Variants in ACLY observed in about 807,000 individuals in gnomAD.
The protein encoded by ACLY is ATP-citrate synthase.
ACLY carries 41 observed loss-of-function variants against 133.0 expected under a neutral mutation model. The ratio of observed to expected loss-of-function variants is 0.31; its 90% CI spans 0.24 to 0.40. ACLY has a LOEUF of 0.40. Among genes scored for constraint, ACLY ranks in the 10% least tolerant of loss-of-function variants. The pLI is 1.00. For missense variants in ACLY, 1,046 were observed against 1,453.8 expected (o/e 0.72, Z 4.56); for synonymous variants, 495 against 549.3 (o/e 0.90, Z 1.38).
upstream of ACLY, among the ~76,000 whole-genome samples, chr17:41,923,515 T>C (rs2050206213): frequency 2.0e-5 from 3 of 152,236 alleles, no homozygotes; most frequent in Non-Finnish European, 4.4e-5. Context: ...TCCTTGGGCC[T>C]GTACCCTGCA....
intron 1 of ACLY, 24 bp from the exon 2 acceptor site, chr17:41,913,920 C>A: frequency 1.2e-6 from 2 of 1,611,040 alleles, no homozygotes; most frequent in South Asian, 1.1e-5. Context: ...AGAAGCTGGT[C>A]AGAAGGGGGC....
intron 20 of ACLY, among the ~76,000 whole-genome samples, chr17:41,881,113 G>C (rs2048904985): frequency 6.6e-6 from 1 of 151,762 alleles, no homozygotes; most frequent in Non-Finnish European, 1.5e-5. Context: ...GAGAGCAATG[G>C]AGTTGGGGGA....
At position 41,869,324 on chromosome 17, in the gene ACLY, C is replaced by T; in HGVS notation, c.3051+150G>A. 3 of 783,842 alleles carry T rather than the reference C, an allele frequency of 3.8e-6. No homozygotes were observed. In the South Asian group the frequency reaches 5.2e-5, roughly 14 times the overall value. 48.6% of individuals were successfully genotyped at this position (783,842 alleles called of 1,614,324 possible). A position where few individuals can be genotyped will look rare whatever the true frequency, so the allele number is the denominator to read the frequency against. On this transcript the variant is annotated intron_variant, in intron 26 of 28. Transcript: ENST00000352035. Reference sequence around the variant, plus strand: ...CCCAACACCTAGTTGACATTTAGTGCATGTCTGTTAAATTTAGTTATGAAA... The same window carrying T: ...CCCAACACCTAGTTGACATTTAGTGTATGTCTGTTAAATTTAGTTATGAAA...
At chr17:41,905,084 T>C (rs1279483582) in intron 9 of ACLY, among the ~76,000 whole-genome samples, 1 of 152,068 alleles carries the variant, frequency 6.6e-6, no homozygotes, top group Non-Finnish European at 1.5e-5. Context: ...GGAATCTCTC[T>C]CCCTCTCTGG....
intron 11 of ACLY, among the ~76,000 whole-genome samples, chr17:41,900,694 A>G (rs565319914): frequency 2.0e-5 from 3 of 152,144 alleles, no homozygotes; most frequent in African/African-American, 7.2e-5. Flanking sequence ...CACTGCACTC[A>G]AGTCTGGGTG....
intron 1 of ACLY, among the ~76,000 whole-genome samples, chr17:41,916,168 A>T (rs1811198556): frequency 6.6e-6 from 1 of 152,206 alleles, no homozygotes; most frequent in Admixed American, 6.5e-5. Flanking sequence ...ATAATACAGG[A>T]TAGAAAACAA....
chr17:41,869,370 A>T (rs2048541443), intron 26 of ACLY, 104 bp downstream of exon 26: 1 of 995,574 alleles, frequency 1.0e-6, no homozygotes, highest in Non-Finnish European at 1.5e-6. Context: ...ATTTCTAGAA[A>T]ACTAGGTTTG....
rs782748455 is a variant in ACLY, at chr17:41,893,139, C to T, written c.1495G>A (p.Ala499Thr). ...CGGGTCTGCATGCCCCACACAATGG[C>T]CTTGGTGTGGCGGCTGAAGAGGGTG... The part of the protein sequence containing the change: ...STTLFSRHTK[A>T]IVWGMQTRAV... Residue 499 changes from alanine (A) to threonine (T), a missense_variant, in exon 15 of 29, where the codon GCC becomes ACC. Coordinates refer to ENST00000352035, the MANE Select transcript of ACLY (RefSeq NM_001096.3). The T allele has an allele frequency of 1.9e-6, 3 of 1,613,846 alleles. No homozygotes were observed. The South Asian group carries it at 3.3e-5, about 18-fold the overall frequency.
At position 41,884,180 on chromosome 17, in the gene ACLY, T is replaced by A. The variant is rs781972794; in HGVS notation, c.2154+13A>T. On this transcript the variant is annotated intron_variant, in intron 19 of 28. Transcript: ENST00000352035. ...GTTTTAAAATCATAATTTTTTTTTT[T>A]AAAGTAACTCACCTCTCCAAGAACC... 42 of 1,512,614 alleles carry A rather than the reference T, an allele frequency of 2.8e-5. No homozygotes were observed. In the South Asian group the frequency reaches 3.0e-4, roughly 11 times the overall value. 93.7% of individuals were successfully genotyped at this position (1,512,614 alleles called of 1,614,324 possible).
At chr17:41,883,044 A>T in intron 20 of ACLY, 78 bp downstream of exon 20, 1 of 1,201,464 alleles carries the variant, frequency 8.3e-7, no homozygotes, top group Non-Finnish European at 1.2e-6. Flanking sequence ...AATTAATAAG[A>T]TGATTACCTG....
At position 41,897,759 on chromosome 17, in the gene ACLY, G is replaced by A. The variant is rs782590939; in HGVS notation, c.1419C>T (p.Ala473=). 6.2e-7 allele frequency: 1 copy of A among 1,612,636 alleles called. No individual in the cohort carries two copies. Among genetic ancestry groups the A allele is most frequent in the South Asian group, 1.1e-5 (1 of 90,858 alleles). The change falls in exon 13 of 29, where the codon GCC becomes GCT. Residue 473 remains alanine, a synonymous_variant. Coordinates refer to ENST00000352035, the MANE Select transcript of ACLY (RefSeq NM_001096.3). ...EVAPAKKAKP[A]MPQDSVPSPR... ...GCCTCAGGGAGTTACCTTGTGGCAT[G>A]GCAGGCTTGGCCTTCTTTGCAGGCG...
Position 41,917,006 on chromosome 17 carries a change from G to A in ACLY, c.-24+1874C>T, listed in dbSNP as rs200852758. On this transcript the variant is annotated intron_variant, in intron 1 of 28. Transcript: ENST00000352035. ...AAAAATACAAAAATTAGCCGGGCGT[G>A]GTGGTGCACACCTGTAGCTACTGGG... Among the ~76,000 whole-genome samples the A allele has an allele frequency of 1.3e-4, 19 of 151,890 alleles. No homozygotes were observed. In the East Asian group the frequency reaches 3.5e-3, roughly 28 times the overall value.
chr17:41,895,795 C>A (rs1555630212), intron 14 of ACLY, among the ~76,000 whole-genome samples: 1 of 152,196 alleles, frequency 6.6e-6, no homozygotes, highest in East Asian at 1.9e-4. Flanking sequence ...GGTTATCGAC[C>A]CTGCCAATTA....
chr17:41,879,059 G>C, intron 20 of ACLY, 135 bp from the exon 21 acceptor site: 2 of 1,087,840 alleles, frequency 1.8e-6, no homozygotes, highest in South Asian at 2.8e-5. Flanking sequence ...AGGTACAATA[G>C]ATGATTTCCA....
intron 16 of ACLY, among the ~76,000 whole-genome samples, chr17:41,888,980 T>C (rs1555628722): frequency 6.6e-6 from 1 of 151,234 alleles, no homozygotes; most frequent in African/African-American, 2.4e-5. Flanking sequence ...TAGCCAGGCA[T>C]AGTGATGCAT....
intron 16 of ACLY, among the ~76,000 whole-genome samples, chr17:41,888,575 T>C (rs2049115589): frequency 6.6e-6 from 1 of 152,080 alleles, no homozygotes. Context: ...CCAGCAAACT[T>C]CTGTAAAGGG....
chr17:41,871,659 T>A (rs782517375), intron 25 of ACLY, 30 bp downstream of exon 25: 1 of 1,613,370 alleles, frequency 6.2e-7, no homozygotes, highest in Non-Finnish European at 8.5e-7. Context: ...CTGGCCTCCA[T>A]CCCACTTTTT....
Position 41,892,267 on chromosome 17 carries a change from C to A in ACLY, c.1770+12G>T. Reference sequence around the variant, plus strand: ...GTCCCCACCCCCCACCCTCCAGAGCCCAGTGATCTACCTGGGCATAGTTCA... The same window carrying A: ...GTCCCCACCCCCCACCCTCCAGAGCACAGTGATCTACCTGGGCATAGTTCA... On this transcript the variant is annotated intron_variant, in intron 16 of 28. Coordinates refer to ENST00000352035, the MANE Select transcript of ACLY (RefSeq NM_001096.3). 1 of 506,232 alleles carries A rather than the reference C, an allele frequency of 2.0e-6. No homozygotes were observed. Among genetic ancestry groups the A allele is most frequent in the Non-Finnish European group, 3.1e-6 (1 of 320,084 alleles). 31.4% of individuals were successfully genotyped at this position (506,232 alleles called of 1,614,324 possible). A position where few individuals can be genotyped will look rare whatever the true frequency, so the allele number is the denominator to read the frequency against.
chr17:41,900,835 ACT>A (rs574190188), intron 11 of ACLY, among the ~76,000 whole-genome samples: 94 of 151,822 alleles, frequency 6.2e-4, no homozygotes, highest in African/African-American at 2.2e-3. Context: ...TCTCGCTGCC[ACT>A]CTCTCAGTCC....
Sources: gnomAD v4.1 joint callset for allele counts (sites outside exome capture counted in the v4.1 genomes callset) on GRCh38, gnomAD v4.1.1 for gene constraint, MANE v1.5 for transcripts, NCBI Gene and HGNC (gene_info 2026-07-23, HGNC 2026-07-21) for gene names.